VAC14: variants seen among roughly 807,000 people sequenced by gnomAD.
VAC14 encodes the protein VAC14 component of PIKFYVE complex.
A neutral mutation model predicts 85.3 loss-of-function variants in VAC14; 47 were observed. The ratio of observed to expected loss-of-function variants is 0.55; its 90% CI spans 0.44 to 0.70. The LOEUF is 0.70. VAC14 is among the 30% of genes least tolerant of loss of function. The probability of loss-of-function intolerance (pLI) is 0.00; values close to 1 mark genes in which losing one functional copy is unlikely to be tolerated. For synonymous variants in VAC14, 447 were observed against 430.5 expected (o/e 1.04, Z -0.47); for missense variants, 861 against 1,004.3 (o/e 0.86, Z 1.93).
At chr16:70,722,329 C>A (rs1240339723) in intron 14 of VAC14, among the ~76,000 whole-genome samples, 1 of 152,248 alleles carries the variant, frequency 6.6e-6, no homozygotes, top group African/African-American at 2.4e-5. Flanking sequence ...ATGGGTCCCC[C>A]AGGCCAGGCC....
intron 10 of VAC14, chr16:70,768,788 T>G (rs2032998263): frequency 2.2e-6 from 1 of 453,404 alleles, no homozygotes; most frequent in Admixed American, 2.4e-5. Context: ...ATTCAGAATT[T>G]CATGTGGATG....
intron 16 of VAC14, among the ~76,000 whole-genome samples, chr16:70,696,639 C>T (rs78800143): frequency 0.047 from 7,102 of 152,312 alleles, 163 homozygotes; most frequent in East Asian, 0.091. Flanking sequence ...TCAAGCCTGT[C>T]GGGCTCTAGC....
At chr16:70,713,710 T>G (rs78088468) in intron 14 of VAC14, among the ~76,000 whole-genome samples, 12,568 of 48,318 alleles carry the variant, frequency 0.26, 397 homozygotes, top group Non-Finnish European at 0.33. Context: ...TTTGTTTTTG[T>G]TTTTTTTTTT....
At chr16:70,721,696 A>C (rs1224270866) in intron 14 of VAC14, among the ~76,000 whole-genome samples, 2 of 152,070 alleles carry the variant, frequency 1.3e-5, no homozygotes, top group African/African-American at 4.8e-5. Flanking sequence ...GCTGCATGGG[A>C]CAGCCATTGT....
chr16:70,784,268 G>T, intron 4 of VAC14, 48 bp from the exon 5 acceptor site: 1 of 1,496,688 alleles, frequency 6.7e-7, no homozygotes, highest in Non-Finnish European at 9.3e-7. Context: ...GACCAGGGCT[G>T]CCTGACCTCG....
chr16:70,713,489 C>T lies in VAC14; in HGVS notation c.1662-14678G>A, dbSNP rs531227392. ...TCGGGCTGCCTTTCCAGACGTCCTT[C>T]CCCTGGGGGTAGGGAAGAGCCCAGT... is the stretch of plus-strand genomic sequence containing the variant. On this transcript the variant is annotated intron_variant, in intron 14 of 18. Transcript: ENST00000261776. Among the ~76,000 whole-genome samples, 79 of 152,330 alleles carry T rather than the reference C, an allele frequency of 5.2e-4. 1 individual carries two copies. Among genetic ancestry groups the T allele is most frequent in the Non-Finnish European group, 9.6e-4 (65 of 68,022 alleles).
At chr16:70,756,035 C>A in intron 12 of VAC14, 1 of 456,788 alleles carries the variant, frequency 2.2e-6, no homozygotes, top group Non-Finnish European at 4.4e-6. Flanking sequence ...CCCTGGGACC[C>A]AGCTGGCCAA....
At chr16:70,726,854 T>C (rs2054443226) in intron 14 of VAC14, among the ~76,000 whole-genome samples, 1 of 152,146 alleles carries the variant, frequency 6.6e-6, no homozygotes, top group South Asian at 2.1e-4. Context: ...AACCGTTATG[T>C]CCACCAGAAA....
intron 1 of VAC14, among the ~76,000 whole-genome samples, chr16:70,798,663 T>C (rs951207159): frequency 6.6e-6 from 1 of 152,214 alleles, no homozygotes; most frequent in African/African-American, 2.4e-5. Flanking sequence ...CAAACTTTAA[T>C]GTGCACACAA....
At chr16:70,733,803 C>T (rs941945583) in intron 13 of VAC14, among the ~76,000 whole-genome samples, 1 of 152,072 alleles carries the variant, frequency 6.6e-6, no homozygotes, top group Admixed American at 6.6e-5. Context: ...TTATAAATTA[C>T]CTACTCTCAA....
intron 1 of VAC14, among the ~76,000 whole-genome samples, chr16:70,788,172 ATAGT>A (rs757688041): frequency 6.6e-5 from 10 of 152,228 alleles, no homozygotes; most frequent in South Asian, 2.1e-4. Context: ...GAGCTTTCTA[ATAGT>A]TAGAGCTGGG....
chr16:70,729,882 C>T (rs1254846191), intron 14 of VAC14, among the ~76,000 whole-genome samples: 1 of 152,070 alleles, frequency 6.6e-6, no homozygotes, highest in East Asian at 1.9e-4. Context: ...GTATCTTGGG[C>T]CTCGGTACCC....
At chr16:70,790,734 C>G (rs563375462) in intron 1 of VAC14, among the ~76,000 whole-genome samples, 80 of 152,256 alleles carry the variant, frequency 5.3e-4, no homozygotes, top group African/African-American at 1.8e-3. Context: ...AGGCCTCCCC[C>G]ACCAGAGTCC....
At chr16:70,773,575 C>T (rs2033356112) in intron 9 of VAC14, among the ~76,000 whole-genome samples, 1 of 152,112 alleles carries the variant, frequency 6.6e-6, no homozygotes, top group South Asian at 2.1e-4. Context: ...AGGGGGCTGG[C>T]AGTCCTGCAG....
chr16:70,778,216 T>G (rs893229097), intron 9 of VAC14, among the ~76,000 whole-genome samples: 1 of 152,218 alleles, frequency 6.6e-6, no homozygotes, highest in Non-Finnish European at 1.5e-5. Flanking sequence ...TAGGCTGCAC[T>G]GGCCGGGAAT....
chr16:70,796,781 G>A (rs976924802), intron 1 of VAC14, among the ~76,000 whole-genome samples: 13 of 152,186 alleles, frequency 8.5e-5, no homozygotes, highest in African/African-American at 3.1e-4. Context: ...TCACTGTGAT[G>A]GACTGAACAG....
intron 9 of VAC14, chr16:70,778,662 G>A (rs1037904049): frequency 6.6e-6 from 1 of 152,102 alleles, no homozygotes; most frequent in Non-Finnish European, 1.5e-5. Flanking sequence ...TTCTGACTAT[G>A]GATTAAGAGG....
Position 70,731,597 on chromosome 16 carries a change from G to A in VAC14, c.1559C>T (p.Thr520Ile). Reference sequence around the variant, plus strand: ...ATAAAAGTAAGAATTCATGGTGGGAGTTGAAGGAGAACATTCTAAGCCTTT... The same window carrying A: ...ATAAAAGTAAGAATTCATGGTGGGAATTGAAGGAGAACATTCTAAGCCTTT... The part of the protein sequence containing the change: ...GTKGLECSPS[T>I]PTMNSYFYKF... Residue 520 changes from threonine (T) to isoleucine (I), a missense_variant, in exon 14 of 19, where the codon ACT (threonine) becomes ATT (isoleucine). Around this residue, in one of 3 missense-constraint regions of VAC14, gnomAD observed 629 missense variants for 703.1 expected, o/e 0.89. Transcript: ENST00000261776. 6.2e-7 allele frequency: 1 copy of A among 1,614,134 alleles called. No homozygotes were observed. The highest frequency in any genetic ancestry group is 1.6e-4 in the Middle Eastern group (1 of 6,062).
rs2032436199 is a variant in VAC14 at position 70,762,100 on chromosome 16, G to GA, written c.1371+439_1371+440insT. Reference sequence around the variant, plus strand: ...AGAAGAGTCCTCACTCCTAAAGTGAGTTTTTTTTTTTGTTTTTGTTTTTTT... The same window carrying GA: ...AGAAGAGTCCTCACTCCTAAAGTGAGATTTTTTTTTTTGTTTTTGTTTTTTT... On this transcript the variant is annotated intron_variant, in intron 12 of 18. Transcript: ENST00000261776. This position sits in a 1 kb window ranked among gnomAD's most constrained non-coding sequence, Gnocchi z 4.1. Among the ~76,000 whole-genome samples the GA allele has an allele frequency of 9.6e-6, 1 of 104,104 alleles. No homozygotes were observed. Among genetic ancestry groups the GA allele is most frequent in the African/African-American group, 6.3e-5 (1 of 15,898 alleles). 68.3% of individuals were successfully genotyped at this position (104,104 alleles called of 152,430 possible). A position where few individuals can be genotyped will look rare whatever the true frequency, so the allele number is the denominator to read the frequency against.
Sources: allele counts gnomAD v4.1 joint callset (sites outside exome capture counted in the v4.1 genomes callset), GRCh38; gene constraint gnomAD v4.1.1; regional missense constraint gnomAD v4.1.1; non-coding constraint Gnocchi (gnomAD v3.1); transcripts MANE v1.5; gene names NCBI Gene and HGNC (gene_info 2026-07-23, HGNC 2026-07-21).